Variants in NOS2 observed in about 807,000 individuals in gnomAD.
NOS2 encodes the protein nitric oxide synthase 2.
In NOS2, 96 loss-of-function variants were observed where a neutral mutation model predicts 136.0. The ratio of observed to expected loss-of-function variants is 0.71; its 90% CI spans 0.60 to 0.84. The LOEUF is 0.84. Ranked by LOEUF, NOS2 falls within the 40% of genes least tolerant of loss-of-function variation. The probability of loss-of-function intolerance (pLI) is 0.00; values close to 1 mark genes in which losing one functional copy is unlikely to be tolerated. For synonymous variants in NOS2, 539 were observed against 587.5 expected, an observed-to-expected ratio of 0.92 and a Z score of 1.20; for missense variants, 1,237 against 1,496.9, an observed-to-expected ratio of 0.83 and a Z score of 2.87.
chr17:27,780,226 G>A (rs901593009), intron 9 of NOS2, among the ~76,000 whole-genome samples: 4 of 152,326 alleles, frequency 2.6e-5, no homozygotes, highest in African/African-American at 9.6e-5. Context: ...GGAGTACAAA[G>A]GCTGTGAGTC....
intron 17 of NOS2, among the ~76,000 whole-genome samples, chr17:27,768,266 G>C (rs1339697745): frequency 6.6e-6 from 1 of 152,156 alleles, no homozygotes; most frequent in Non-Finnish European, 1.5e-5. Flanking sequence ...ACTCAGGCTA[G>C]TTTCAAGCTC....
chr17:27,788,731 C>T, intron 4 of NOS2, 78 bp downstream of exon 4: 1 of 1,541,494 alleles, frequency 6.5e-7, no homozygotes, highest in South Asian at 1.2e-5. Flanking sequence ...CCCAGGGGGA[C>T]ACCTGTTTGA....
rs1908747836 is a variant in NOS2, at chr17:27,778,877, G to A, written c.1179+5C>T. On this transcript the variant is annotated splice_donor_5th_base_variant and intron_variant, in intron 10 of 26. Transcript: ENST00000313735. ...TCATCTGGCCAGCTGGGCTGGCTGGGTTACCTCCAGGATGTTGTAGCGCTG... is the reference window on the plus strand; with the variant it reads ...TCATCTGGCCAGCTGGGCTGGCTGGATTACCTCCAGGATGTTGTAGCGCTG... The A allele has an allele frequency of 2.5e-6, 4 of 1,609,844 alleles. No homozygotes were observed. In the East Asian group the frequency reaches 6.7e-5, roughly 27 times the overall value.
In NOS2 at chr17:27,764,152, G is replaced by A. The variant is rs202007638; in HGVS notation, c.2429-8C>T. ...CACTGACCCAGTAGCTGCCTGGATGGGGAAGGAAGGTGTCAGGATGGAAAA... is the reference window on the plus strand; with the variant it reads ...CACTGACCCAGTAGCTGCCTGGATGAGGAAGGAAGGTGTCAGGATGGAAAA... On this transcript the variant is annotated splice_polypyrimidine_tract_variant and splice_region_variant and intron_variant, in intron 20 of 26. Transcript: ENST00000313735. 2.9e-4 allele frequency: 429 copies of A among 1,488,800 alleles called. 2 individuals are homozygous for A. Among genetic ancestry groups the A allele is most frequent in the Non-Finnish European group, 2.7e-4 (296 of 1,110,490 alleles). The allele number at this position is 1,488,800 out of a possible 1,614,324, so 92.2% of individuals were successfully genotyped here.
At position 27,762,807 on chromosome 17, in the gene NOS2, G is replaced by A; in HGVS notation, c.2791C>T (p.His931Tyr). The A allele has an allele frequency of 6.5e-7, 1 of 1,549,994 alleles. No individual in the cohort carries two copies. The highest frequency in any genetic ancestry group is 1.2e-5 in the South Asian group (1 of 83,866). The change falls in exon 22 of 27, where the codon CAC (histidine) becomes TAC (tyrosine). Residue 931 changes from histidine to tyrosine, a missense_variant. By Grantham distance (83) the His-to-Tyr change is moderately conservative (BLOSUM62 2). Around this residue, in one of 3 missense-constraint regions of NOS2, gnomAD observed 782 missense variants for 909.9 expected, o/e 0.86. Coordinates refer to ENST00000313735, the MANE Select transcript of NOS2 (RefSeq NM_000625.4). ...TCTGCCCCTGGCTCACCTCGGGTGT[G>A]GTAGGTGACCACGGCCACAGTCAGG... The part of the protein sequence containing the change: ...IHLTVAVVTY[H>Y]TRDGQGPLHH...
chr17:27,790,843 C>A (rs1300918722), intron 2 of NOS2, among the ~76,000 whole-genome samples: 1 of 152,248 alleles, frequency 6.6e-6, no homozygotes, highest in Non-Finnish European at 1.5e-5. Context: ...ATAGTCACCA[C>A]TCACACATGC....
At chr17:27,799,527 A>G (rs1298543284) in intron 1 of NOS2, among the ~76,000 whole-genome samples, 1 of 152,216 alleles carries the variant, frequency 6.6e-6, no homozygotes, top group Non-Finnish European at 1.5e-5. Context: ...TCTTTAGAAG[A>G]CAGTGTAGTG....
chr17:27,798,930 G>C (rs1459053517), intron 1 of NOS2, 48 bp from the exon 2 acceptor site: 2 of 688,650 alleles, frequency 2.9e-6, no homozygotes, highest in Non-Finnish European at 5.2e-6. Context: ...AGAGTTTACA[G>C]AACAGGGCTT....
At chr17:27,776,677 GAAAAAAAAAA>G (rs34069634) in intron 11 of NOS2, among the ~76,000 whole-genome samples, 8 of 78,124 alleles carry the variant, frequency 1.0e-4, no homozygotes, top group Non-Finnish European at 2.0e-4. Context: ...ATCTCCAAAG[GAAAAAAAAAA>G]AAAAAAAAAA....
At chr17:27,781,012 G>T in intron 8 of NOS2, 24 bp downstream of exon 8, 5 of 1,608,988 alleles carry the variant, frequency 3.1e-6, no homozygotes, top group Non-Finnish European at 4.2e-6. Flanking sequence ...CCCAATGGCC[G>T]GTGGCTGAGG....
At position 27,782,905 on chromosome 17, in the gene NOS2, G is replaced by A. The variant is rs201096180; in HGVS notation, c.630+39C>T. Reference sequence around the variant, plus strand: ...CAAGCCATCTGCTCAGGGCCTGGCCGCCTCCAGCTCTCTCCCGCTCAAGTC... The same window carrying A: ...CAAGCCATCTGCTCAGGGCCTGGCCACCTCCAGCTCTCTCCCGCTCAAGTC... On this transcript the variant is annotated intron_variant, in intron 6 of 26. Coordinates refer to ENST00000313735, the MANE Select transcript of NOS2 (RefSeq NM_000625.4). The A allele has an allele frequency of 1.1e-4, 177 of 1,605,078 alleles. No individual in the cohort carries two copies. The East Asian group carries it at 1.4e-3, about 13-fold the overall frequency.
Position 27,781,060 on chromosome 17 carries a change from G to A in NOS2, c.840C>T (p.Asp280=), listed in dbSNP as rs1399353009. 1 of 1,613,822 alleles carries A rather than the reference G, an allele frequency of 6.2e-7. No homozygotes were observed. Among genetic ancestry groups the A allele is most frequent in the Middle Eastern group, 1.6e-4 (1 of 6,062 alleles). ...CCTGAGTGAATTCCACGTTGGCAGG[G>A]TCCCCTCTGATGCTGCCATCTGGCA... The part of the protein sequence containing the change: ...YQMPDGSIRG[D]PANVEFTQLC... Residue 280 remains aspartate (D), a synonymous_variant, in exon 8 of 27, where the codon GAC becomes GAT. Transcript: ENST00000313735.
chr17:27,790,788 C>A (rs1909162034), intron 2 of NOS2, among the ~76,000 whole-genome samples: 2 of 152,200 alleles, frequency 1.3e-5, no homozygotes, highest in Admixed American at 1.3e-4. Context: ...CGGTCAGAAA[C>A]CGTTTGTCCT....
In NOS2 at chr17:27,756,827, C is replaced by G. The variant is rs201193300; in HGVS notation, c.*419G>C. The G allele has an allele frequency of 4.1e-5, 7 of 169,320 alleles. No individual in the cohort carries two copies. The highest frequency in any genetic ancestry group is 7.5e-5 in the Non-Finnish European group (6 of 80,102). The allele number at this position is 169,320 out of a possible 1,614,324, so 10.5% of individuals were successfully genotyped here. ...CCATCAAGGAATCATACAGGGAAGA[C>G]CCAAGTGGCCATGGGGAACAGACTG... On this transcript the variant is annotated 3_prime_UTR_variant, in exon 27 of 27. Transcript: ENST00000313735.
intron 18 of NOS2, among the ~76,000 whole-genome samples, chr17:27,767,226 G>A (rs1273729476): frequency 5.3e-5 from 8 of 152,204 alleles, no homozygotes; most frequent in Admixed American, 3.3e-4. Flanking sequence ...CAGCACCTGG[G>A]GGTGCAGAGT....
At chr17:27,794,598 T>G (rs567351538) in intron 2 of NOS2, among the ~76,000 whole-genome samples, 1 of 152,158 alleles carries the variant, frequency 6.6e-6, no homozygotes, top group South Asian at 2.1e-4. Flanking sequence ...TCTAGCCAAC[T>G]GCAGCCCAGC....
At chr17:27,767,946 T>C in intron 17 of NOS2, 109 bp from the exon 18 acceptor site, 2 of 1,430,584 alleles carry the variant, frequency 1.4e-6, no homozygotes, top group Admixed American at 3.7e-5. Flanking sequence ...CTGAGCCGTG[T>C]GTTTCGTGTA....
chr17:27,790,436 G>T (rs371525984), intron 2 of NOS2, among the ~76,000 whole-genome samples: 1 of 152,180 alleles, frequency 6.6e-6, no homozygotes, highest in Non-Finnish European at 1.5e-5. Flanking sequence ...TTTAAAACAC[G>T]TGATTTATCT....
chr17:27,768,409 G>T (rs1337738136), intron 17 of NOS2, among the ~76,000 whole-genome samples: 10 of 152,166 alleles, frequency 6.6e-5, no homozygotes, highest in Admixed American at 5.2e-4. Context: ...ACTGGAAGAG[G>T]TCTGATTGCT....
Sources: gnomAD v4.1 joint callset for allele counts (sites outside exome capture counted in the v4.1 genomes callset) on GRCh38, gnomAD v4.1.1 for gene constraint, gnomAD v4.1.1 regional missense constraint, MANE v1.5 for transcripts, NCBI Gene and HGNC (gene_info 2026-07-23, HGNC 2026-07-21) for gene names.